Variants in SMC4 observed in about 807,000 individuals in gnomAD.
SMC4 encodes the protein structural maintenance of chromosomes protein 4.
SMC4 carries 87 observed loss-of-function variants against 145.6 expected under a neutral mutation model. The ratio of observed to expected loss-of-function variants is 0.60; its 90% confidence interval spans 0.50 to 0.71. The LOEUF (loss-of-function observed/expected upper bound fraction) is 0.71, where lower values mean the gene tolerates loss of function less well. Among genes scored for constraint, SMC4 ranks in the 30% least tolerant of loss-of-function variants. The pLI, the probability that SMC4 is intolerant of heterozygous loss-of-function variation, is 0.00. For missense variants in SMC4, 1,447 were observed against 1,537.1 expected (o/e 0.94, Z 0.98); for synonymous variants, 558 against 500.7 (o/e 1.11, Z -1.53).
At position 160,400,916 on chromosome 3, in the gene SMC4, G is replaced by A. The variant is rs1714535420; in HGVS notation, c.90G>A (p.Ala30=). The change falls in exon 2 of 24, where the codon GCG becomes GCA. Residue 30 remains alanine (A), a synonymous_variant. Transcript: ENST00000357388. ...CCCCTGACGGCGCCAGCAGCGACGC[G>A]GAGCCTGAGCCGCCGTCCGGCCGCA... The part of the protein sequence containing the change: ...PPSPDGASSD[A]EPEPPSGRTE... The A allele has an allele frequency of 2.0e-6, 3 of 1,487,780 alleles. No homozygotes were observed. The highest frequency in any genetic ancestry group is 2.9e-5 in the East Asian group (1 of 34,106). The allele number at this position is 1,487,780 out of a possible 1,614,324, so 92.2% of individuals were successfully genotyped here.
intron 5 of SMC4, among the ~76,000 whole-genome samples, chr3:160,406,510 A>G (rs551362412): frequency 6.6e-6 from 1 of 152,256 alleles, no homozygotes; most frequent in Non-Finnish European, 1.5e-5. Flanking sequence ...ACTGAATAAC[A>G]TCTATCTTAA....
intron 2 of SMC4, 46 bp downstream of exon 2, chr3:160,401,011 G>A: frequency 1.5e-6 from 2 of 1,363,632 alleles, no homozygotes; most frequent in Non-Finnish European, 1.9e-6. Context: ...CTGTGGGACT[G>A]GCAGGCAAAC....
At position 160,417,754 on chromosome 3, in the gene SMC4, A is replaced by G. The variant is rs1178974338; in HGVS notation, c.1469A>G (p.Lys490Arg). ...GAGAAAGAACTTATGGGTTTCAGCA[A>G]ATCGGTAAATGAAGCACGTTCAAAG... The part of the protein sequence containing the change: ...SREKELMGFS[K>R]SVNEARSKMD... The change falls in exon 11 of 24, where the codon AAA becomes AGA. Residue 490 changes from lysine (K) to arginine (R), a missense_variant. By Grantham distance (26) the Lys-to-Arg change is conservative. Coordinates refer to ENST00000357388, the MANE Select transcript of SMC4 (RefSeq NM_001002800.3). The G allele has an allele frequency of 7.4e-6, 12 of 1,612,720 alleles. No homozygotes were observed. Among genetic ancestry groups the G allele is most frequent in the East Asian group, 2.2e-5 (1 of 44,862 alleles).
intron 6 of SMC4, 37 bp downstream of exon 6, chr3:160,412,121 G>A: frequency 6.3e-7 from 1 of 1,586,092 alleles, no homozygotes; most frequent in South Asian, 1.1e-5. Context: ...AAATCAGAAT[G>A]TTTCATTTAT....
intron 11 of SMC4, among the ~76,000 whole-genome samples, chr3:160,418,677 G>T (rs892380986): frequency 2.0e-5 from 3 of 152,200 alleles, no homozygotes; most frequent in Admixed American, 2.0e-4. Flanking sequence ...CTTTTGGGAT[G>T]AATTATGTCA....
chr3:160,401,846 A>C, intron 2 of SMC4, 69 bp from the exon 3 acceptor site: 1 of 1,230,758 alleles, frequency 8.1e-7, no homozygotes, highest in Non-Finnish European at 1.1e-6. Context: ...AGTTCTCCGA[A>C]CTAATTGCAC....
At position 160,412,021 on chromosome 3, in the gene SMC4, A is replaced by G. The variant is rs1375874937; in HGVS notation, c.789A>G (p.Leu263=). The change falls in exon 6 of 24, where the codon CTA becomes CTG. Residue 263 remains leucine, a synonymous_variant. Coordinates refer to ENST00000357388, the MANE Select transcript of SMC4 (RefSeq NM_001002800.3). The part of the protein sequence containing the change: ...YLEDIIGCGR[L]NEPIKVLCRR... ...AAGATATAATTGGTTGTGGACGGCTAAATGAACCTATTAAAGTCTTGTGTC... is the reference window on the plus strand; with the variant it reads ...AAGATATAATTGGTTGTGGACGGCTGAATGAACCTATTAAAGTCTTGTGTC... The G allele has an allele frequency of 6.2e-7, 1 of 1,613,718 alleles. No individual in the cohort carries two copies. Among genetic ancestry groups the G allele is most frequent in the Non-Finnish European group, 8.5e-7 (1 of 1,179,796 alleles).
At chr3:160,402,925 T>G (rs1714866642) in intron 4 of SMC4, 58 bp downstream of exon 4, 1 of 1,245,524 alleles carries the variant, frequency 8.0e-7, no homozygotes, top group East Asian at 2.7e-5. Context: ...CTTAAATGCA[T>G]TACATATTTT....
In SMC4 at chr3:160,401,872, C is replaced by T. The variant is rs76695024; in HGVS notation, c.140-43C>T. The T allele has an allele frequency of 2.8e-3, 4,261 of 1,517,216 alleles. 47 individuals are homozygous for T. The African/African-American group carries it at 0.031, about 11-fold the overall frequency. 94.0% of individuals were successfully genotyped at this position (1,517,216 alleles called of 1,614,324 possible). A position where few individuals can be genotyped will look rare whatever the true frequency, so the allele number is the denominator to read the frequency against. On this transcript the variant is annotated intron_variant, in intron 2 of 23. Transcript: ENST00000357388. ...CTAATTGCACTAATGTAGGCTTTTC[C>T]CCCGCCGTTTGCCTTCGTTTTCCTT...
chr3:160,407,775 GT>G (rs1715507998), intron 5 of SMC4, among the ~76,000 whole-genome samples: 1 of 152,096 alleles, frequency 6.6e-6, no homozygotes, highest in South Asian at 2.1e-4. Context: ...TAATGCCTCA[GT>G]TTTCCAAAGG....
intron 9 of SMC4, among the ~76,000 whole-genome samples, chr3:160,415,600 CAG>C (rs1284099220): frequency 2.0e-5 from 3 of 152,318 alleles, no homozygotes; most frequent in African/African-American, 7.2e-5. Flanking sequence ...TACGTTGAGT[CAG>C]TGTTTAAGGA....
chr3:160,409,627 C>A lies in SMC4; in HGVS notation c.688-2293C>A, dbSNP rs531805369. 5.3e-5 allele frequency among the ~76,000 whole-genome samples: 8 copies of A among 152,278 alleles called. No homozygotes were observed. In the South Asian group the frequency reaches 1.7e-3, roughly 32 times the overall value. ...GTATACTTAAATAATACATTATGGC[C>A]ATTTGACTCAAATGTAAGTTCTTTT... On this transcript the variant is annotated intron_variant, in intron 5 of 23. Transcript: ENST00000357388.
At chr3:160,414,599 C>T (rs1475449607) in intron 9 of SMC4, 82 bp downstream of exon 9, 2 of 1,249,660 alleles carry the variant, frequency 1.6e-6, no homozygotes, top group Non-Finnish European at 2.3e-6. Flanking sequence ...CCCTTATTGC[C>T]TAAGAGAATG....
At position 160,402,088 on chromosome 3, in the gene SMC4, C is replaced by T. The variant is rs1405145663; in HGVS notation, c.313C>T (p.His105Tyr). Reference protein sequence around the residue: ...YAGEKILGPFHKRFSCIIGPN... With the variant: ...YAGEKILGPFYKRFSCIIGPN... ...TGGGGAGAAAATTCTGGGACCTTTC[C>T]ATAAGGTATTTGTATGGAAATAACT... The change falls in exon 3 of 24, where the codon CAT becomes TAT. Residue 105 changes from histidine to tyrosine, a missense_variant. By Grantham distance (83) the His-to-Tyr change is moderately conservative. Coordinates refer to ENST00000357388, the MANE Select transcript of SMC4 (RefSeq NM_001002800.3). The T allele has an allele frequency of 1.3e-6, 2 of 1,532,824 alleles. No individual in the cohort carries two copies. The highest frequency in any genetic ancestry group is 2.6e-5 in the South Asian group (2 of 77,592). 95.0% of individuals were successfully genotyped at this position (1,532,824 alleles called of 1,614,324 possible).
Position 160,426,108 on chromosome 3 carries a change from A to C in SMC4, c.2513A>C (p.Gln838Pro). ...GAGCAAGAAGAATATTTGAATGTCCAAGTTAAGGAACTTGAAGCTAATGTA... is the reference window on the plus strand; with the variant it reads ...GAGCAAGAAGAATATTTGAATGTCCCAGTTAAGGAACTTGAAGCTAATGTA... Reference protein sequence around the residue: ...LIEQEEYLNVQVKELEANVLA... With the variant: ...LIEQEEYLNVPVKELEANVLA... The change falls in exon 17 of 24, where the codon CAA becomes CCA. Residue 838 changes from glutamine (Q) to proline (P), a missense_variant. By Grantham distance (76) the Gln-to-Pro change is moderately conservative. Coordinates refer to ENST00000357388, the MANE Select transcript of SMC4 (RefSeq NM_001002800.3). 6.2e-7 allele frequency: 1 copy of C among 1,607,300 alleles called. No homozygotes were observed. The highest frequency in any genetic ancestry group is 8.5e-7 in the Non-Finnish European group (1 of 1,176,756).
chr3:160,402,218 GTCTT>G (rs766423526), intron 3 of SMC4, 125 bp downstream of exon 3: 4 of 559,254 alleles, frequency 7.2e-6, no homozygotes, highest in Non-Finnish European at 1.2e-5. Flanking sequence ...TATCCTGATA[GTCTT>G]TCTGTCTCTC....
At position 160,431,692 on chromosome 3, in the gene SMC4, T is replaced by G; in HGVS notation, c.3164T>G (p.Ile1055Ser). 6.2e-7 allele frequency: 1 copy of G among 1,611,358 alleles called. No individual in the cohort carries two copies. Among genetic ancestry groups the G allele is most frequent in the East Asian group, 2.2e-5 (1 of 44,840 alleles). The change falls in exon 21 of 24, where the codon ATT becomes AGT. Residue 1055 changes from isoleucine to serine, a missense_variant. By Grantham distance (142) the Ile-to-Ser change is moderately radical (BLOSUM62 -2). Transcript: ENST00000357388. ...HPIEDNPIEEISVLSPEDLEA... is the reference protein window; with the variant it reads ...HPIEDNPIEESSVLSPEDLEA... ...ATAGAAGATAATCCTATTGAAGAGA[T>G]TTCGGTTCTAAGCCCAGAGGATCTT...
chr3:160,412,041 TGTG>T lies in SMC4; in HGVS notation c.810_812del (p.Leu270_Cys271delinsPhe). 6.2e-7 allele frequency: 1 copy of T among 1,613,606 alleles called. No homozygotes were observed. The highest frequency in any genetic ancestry group is 8.5e-7 in the Non-Finnish European group (1 of 1,179,746). ...CGGCTAAATGAACCTATTAAAGTCT[TGTG>T]TCGGAGAGTTGAAATATTAAATGAA... On this transcript the variant is annotated inframe_deletion, in exon 6 of 24. Coordinates refer to ENST00000357388, the MANE Select transcript of SMC4 (RefSeq NM_001002800.3).
At position 160,428,930 on chromosome 3, in the gene SMC4, A is replaced by G. The variant is rs754433114; in HGVS notation, c.2783A>G (p.Lys928Arg). Residue 928 changes from lysine to arginine, a missense_variant, in exon 18 of 24, where the codon AAG (lysine) becomes AGG (arginine). Lys to Arg is a conservative substitution (Grantham distance 26). Transcript: ENST00000357388. ...ATTACTAAAGCCCAAGTAGCAATCA[A>G]GACTGCTGACAGGTAGAGTATGCAT... ...SAITKAQVAI[K>R]TADRNLQKAQ... 6.3e-7 allele frequency: 1 copy of G among 1,588,204 alleles called. No homozygotes were observed. The highest frequency in any genetic ancestry group is 8.5e-7 in the Non-Finnish European group (1 of 1,174,124).
Sources: gnomAD v4.1 joint callset for allele counts (sites outside exome capture counted in the v4.1 genomes callset) on GRCh38, gnomAD v4.1.1 for gene constraint, MANE v1.5 for transcripts, NCBI Gene and HGNC (gene_info 2026-07-23, HGNC 2026-07-21) for gene names.